Variants in GCNA observed in about 807,000 individuals in gnomAD.
The protein encoded by GCNA is germ cell nuclear acidic protein.
In GCNA, 3 loss-of-function variants were observed where a neutral mutation model predicts 38.8. The ratio of observed to expected loss-of-function variants is 0.08; its 90% CI spans 0.04 to 0.20. The LOEUF (loss-of-function observed/expected upper bound fraction) is 0.20, where lower values mean the gene tolerates loss of function less well. Ranked by LOEUF, GCNA falls within the 10% of genes least tolerant of loss-of-function variation. The pLI, the probability that GCNA is intolerant of heterozygous loss-of-function variation, is 1.00. For missense variants in GCNA, 446 were observed against 578.6 expected, an observed-to-expected ratio of 0.77 and a Z score of 2.35; for synonymous variants, 195 against 240.2, an observed-to-expected ratio of 0.81 and a Z score of 1.74.
intron 9 of GCNA, among the ~76,000 whole-genome samples, chrX:71,608,698 TA>T (rs1316807533): frequency 1.8e-5 from 2 of 112,671 alleles, no homozygotes; most frequent in Non-Finnish European, 3.7e-5. Flanking sequence ...TGGGCAATTG[TA>T]AATTCAGAAC....
intron 1 of GCNA, among the ~76,000 whole-genome samples, chrX:71,579,097 G>A (rs759264172): frequency 9.9e-5 from 10 of 101,484 alleles, no homozygotes; most frequent in African/African-American, 2.9e-4. Flanking sequence ...GCGTAGGAGC[G>A]TGTGGTGGCG....
chrX:71,599,367 T>C (rs2147723214), intron 7 of GCNA, among the ~76,000 whole-genome samples: 1 of 111,507 alleles, frequency 9.0e-6, no homozygotes, highest in East Asian at 2.8e-4. Flanking sequence ...GGGTGCAGAG[T>C]AGAGGGTCTG....
At chrX:71,607,157 C>T (rs753241850) in intron 9 of GCNA, among the ~76,000 whole-genome samples, 1 of 112,103 alleles carries the variant, frequency 8.9e-6, no homozygotes, top group Admixed American at 9.5e-5. Flanking sequence ...AGCACAAACA[C>T]ACAGGGGTCC....
chrX:71,591,741 G>A (rs1199885787), intron 2 of GCNA, among the ~76,000 whole-genome samples: 1 of 111,889 alleles, frequency 8.9e-6, no homozygotes, highest in Non-Finnish European at 1.9e-5. Context: ...CTGGGCTCAA[G>A]CGATCCTCCC....
chrX:71,580,814 C>T lies in GCNA; in HGVS notation c.-2-6C>T. Reference sequence around the variant, plus strand: ...TAAGAAAGTGTATCTTTGTCTTTCACTACAGACATGGATGGGTGCAAAAAA... The same window carrying T: ...TAAGAAAGTGTATCTTTGTCTTTCATTACAGACATGGATGGGTGCAAAAAA... On this transcript the variant is annotated splice_region_variant and splice_polypyrimidine_tract_variant and intron_variant, in intron 1 of 12. Coordinates refer to ENST00000373696, the MANE Select transcript of GCNA (RefSeq NM_052957.5). 8.3e-7 allele frequency: 1 copy of T among 1,198,585 alleles called. No homozygotes were observed. Among genetic ancestry groups the T allele is most frequent in the Non-Finnish European group, 1.1e-6 (1 of 887,953 alleles).
intron 2 of GCNA, 57 bp from the exon 3 acceptor site, chrX:71,592,065 G>C: frequency 1.3e-6 from 1 of 770,985 alleles, no homozygotes; most frequent in Admixed American, 2.9e-5. Flanking sequence ...TTTGATAATT[G>C]GTTGCTTATG....
chrX:71,590,635 C>G (rs1052453399), intron 2 of GCNA, among the ~76,000 whole-genome samples: 1 of 110,897 alleles, frequency 9.0e-6, no homozygotes, highest in Non-Finnish European at 1.9e-5. Flanking sequence ...ACAGGCAGCA[C>G]AGTATCAGCC....
At chrX:71,580,751 G>A in intron 1 of GCNA, 69 bp from the exon 2 acceptor site, 2 of 1,037,169 alleles carry the variant, frequency 1.9e-6, no homozygotes, top group Non-Finnish European at 2.6e-6. Context: ...TGGGATTATA[G>A]GCGTGAGCCA....
Position 71,604,260 on chromosome X carries a change from A to G in GCNA, c.983A>G (p.Asn328Ser), listed in dbSNP as rs368726372. The stretch of plus-strand genomic sequence containing the variant: ...GATGATTCGGATGTTCCCGATGACA[A>G]TAGTGATGATTTGGAAGTTCCTGTG... Reference protein sequence around the residue: ...KSDDSDVPDDNSDDLEVPVPA... With the variant: ...KSDDSDVPDDSSDDLEVPVPA... The change falls in exon 8 of 13, where the codon AAT becomes AGT. Residue 328 changes from asparagine (N) to serine (S), a missense_variant. Asn to Ser is a conservative substitution (Grantham distance 46). Around this residue, in one of 7 missense-constraint regions of GCNA, gnomAD observed 160 missense variants for 165.2 expected, o/e 0.97. Transcript: ENST00000373696. The G allele has an allele frequency of 9.1e-6, 11 of 1,211,365 alleles. No homozygotes were observed. The East Asian group carries it at 2.7e-4, about 29-fold the overall frequency.
intron 7 of GCNA, among the ~76,000 whole-genome samples, chrX:71,601,199 C>T (rs749759476): frequency 3.4e-4 from 38 of 110,699 alleles, no homozygotes; most frequent in Non-Finnish European, 7.0e-4. Context: ...CAAAAATTAG[C>T]TGGGTGTGGT....
At chrX:71,605,059 T>A (rs2040757954) in intron 8 of GCNA, among the ~76,000 whole-genome samples, 1 of 112,162 alleles carries the variant, frequency 8.9e-6, no homozygotes, top group Admixed American at 9.4e-5. Flanking sequence ...CTAGTCACAT[T>A]GTTAGAATAC....
Position 71,592,519 on chromosome X carries a change from C to T in GCNA, c.107-18C>T, listed in dbSNP as rs769671362. The T allele has an allele frequency of 4.0e-6, 4 of 1,005,304 alleles. No individual in the cohort carries two copies. In the East Asian group the frequency reaches 9.9e-5, roughly 25 times the overall value. The allele number at this position is 1,005,304 out of a possible 1,213,427, so 82.8% of individuals were successfully genotyped here. On this transcript the variant is annotated intron_variant, in intron 3 of 12. Coordinates refer to ENST00000373696, the MANE Select transcript of GCNA (RefSeq NM_052957.5). ...TCATGCTTCAGATGTTTTCTAATGC[C>T]CTCTTTCTCTGATTTAGCTGTGGCC...
intron 10 of GCNA, 65 bp downstream of exon 10, chrX:71,609,182 G>A: frequency 1.9e-6 from 2 of 1,081,082 alleles, no homozygotes; most frequent in Non-Finnish European, 2.5e-6. Context: ...GTGCTGTGAG[G>A]TGTGCTAACC....
At chrX:71,582,256 C>T (rs2040552053) in intron 2 of GCNA, among the ~76,000 whole-genome samples, 2 of 95,051 alleles carry the variant, frequency 2.1e-5, no homozygotes, top group African/African-American at 4.0e-5. Flanking sequence ...CTCTGCAACC[C>T]GAGACCCTCT....
At chrX:71,612,323 G>A in intron 11 of GCNA, 32 bp from the exon 12 acceptor site, 1 of 503,775 alleles carries the variant, frequency 2.0e-6, no homozygotes, top group East Asian at 4.8e-5. Context: ...ATTGGTTTTA[G>A]TGCTCACATT....
At chrX:71,597,854 C>G (rs188599826) in intron 6 of GCNA, 96 bp from the exon 7 acceptor site, 1 of 634,832 alleles carries the variant, frequency 1.6e-6, no homozygotes, top group East Asian at 3.6e-5. Flanking sequence ...AAAAAATTGA[C>G]AAGTGGTCAA....
rs552946601 is a variant in GCNA at position 71,598,258 on chromosome X, T to G, written c.310+220T>G. On this transcript the variant is annotated intron_variant, in intron 7 of 12. Coordinates refer to ENST00000373696, the MANE Select transcript of GCNA (RefSeq NM_052957.5). ...GCAACTGTTGTTGCTGCCTCAGACC[T>G]TGGGGGCCCCCTCAGTAGAGTTCTT... 3.6e-5 allele frequency among the ~76,000 whole-genome samples: 4 copies of G among 111,729 alleles called. No individual in the cohort carries two copies. The Middle Eastern group carries it at 0.014, about 383-fold the overall frequency.
At position 71,605,732 on chromosome X, in the gene GCNA, A is replaced by G. The variant is rs369238580; in HGVS notation, c.1466+3A>G. ...AAAGTTGAAAAACGCAAGACTAGGT[A>G]TGTACTGCTCGCATACAGTTGAACA... On this transcript the variant is annotated splice_donor_region_variant and intron_variant, in intron 9 of 12. Transcript: ENST00000373696. The G allele has an allele frequency of 5.0e-6, 6 of 1,202,311 alleles. No individual in the cohort carries two copies. The African/African-American group carries it at 1.1e-4, about 21-fold the overall frequency.
chrX:71,586,335 T>C (rs1275227264), intron 2 of GCNA, among the ~76,000 whole-genome samples: 2 of 111,386 alleles, frequency 1.8e-5, no homozygotes, highest in Non-Finnish European at 3.8e-5. Context: ...ATACATTTGA[T>C]GGCAGGTTGT....
Sources: allele counts gnomAD v4.1 joint callset (sites outside exome capture counted in the v4.1 genomes callset), GRCh38; gene constraint gnomAD v4.1.1; regional missense constraint gnomAD v4.1.1; transcripts MANE v1.5; gene names NCBI Gene and HGNC (gene_info 2026-07-23, HGNC 2026-07-21).